Variants in MACC1 observed in about 807,000 individuals in gnomAD.
MACC1 encodes the protein metastasis-associated in colon cancer protein 1.
In MACC1, 79 loss-of-function variants were observed where a neutral mutation model predicts 70.7. The observed-to-expected ratio is 1.12, with a 90% CI of 0.93 to 1.35. The LOEUF is 1.35. Ranked by LOEUF, MACC1 falls within the 40% of genes most tolerant of loss-of-function variation. MACC1 has a pLI of 0.00. For missense variants in MACC1, 1,106 were observed against 978.1 expected, an observed-to-expected ratio of 1.13 and a Z score of -1.74; for synonymous variants, 361 against 347.2, an observed-to-expected ratio of 1.04 and a Z score of -0.44.
intron 1 of MACC1, among the ~76,000 whole-genome samples, chr7:20,196,519 TACATCCAGTC>T (rs1172452590): frequency 2.6e-5 from 4 of 152,070 alleles, no homozygotes; most frequent in Non-Finnish European, 5.9e-5. Flanking sequence ...TGTAATTAGG[TACATCCAGTC>T]ACACTGGAGA....
chr7:20,170,706 A>G lies in MACC1; in HGVS notation c.-153+8T>C, dbSNP rs541998561. Reference sequence around the variant, plus strand: ...AGAAAAACACTCTGACATTTTGTGTATACTCACAGTTTTCCTTGGTTTGAA... The same window carrying G: ...AGAAAAACACTCTGACATTTTGTGTGTACTCACAGTTTTCCTTGGTTTGAA... On this transcript the variant is annotated splice_region_variant and intron_variant, in intron 2 of 6. Coordinates refer to ENST00000400331, the MANE Select transcript of MACC1 (RefSeq NM_182762.4). 7 of 152,358 alleles carry G rather than the reference A, an allele frequency of 4.6e-5. No homozygotes were observed. In the South Asian group the frequency reaches 1.4e-3, roughly 32 times the overall value. 9.4% of individuals were successfully genotyped at this position (152,358 alleles called of 1,614,324 possible).
Position 20,159,671 on chromosome 7 carries a change from TG to T in MACC1, c.689del (p.Ser230Ter). On this transcript the variant is annotated frameshift_variant, in exon 5 of 7. Transcript: ENST00000400331. LOFTEE classifies it high-confidence loss of function. ...HQGGSVQLPESDITVHVPQGH... is the reference protein window; with the variant it reads ...HQGGSVQLPEXDITVHVPQGH... ...CTTGGGGCACATGAACAGTGATGTCTGATTCAGGTAATTGTACTGACCCTCC... is the reference window on the plus strand; with the variant it reads ...CTTGGGGCACATGAACAGTGATGTCTATTCAGGTAATTGTACTGACCCTCC... The T allele has an allele frequency of 1.2e-6, 2 of 1,614,196 alleles. No individual in the cohort carries two copies. Among genetic ancestry groups the T allele is most frequent in the Non-Finnish European group, 1.7e-6 (2 of 1,180,036 alleles).
chr7:20,153,752 C>T (rs12668800), intron 6 of MACC1, among the ~76,000 whole-genome samples: 3 of 152,182 alleles, frequency 2.0e-5, no homozygotes, highest in African/African-American at 7.2e-5. Flanking sequence ...CACTTTCTTA[C>T]TACTTCTTGT....
intron 1 of MACC1, among the ~76,000 whole-genome samples, chr7:20,215,381 T>C (rs1199142454): frequency 6.6e-6 from 1 of 152,164 alleles, no homozygotes; most frequent in Non-Finnish European, 1.5e-5. Flanking sequence ...TCTTTGTCAA[T>C]TGAATGAATG....
chr7:20,155,294 A>C (rs1057217531), intron 5 of MACC1, among the ~76,000 whole-genome samples: 11 of 152,224 alleles, frequency 7.2e-5, no homozygotes, highest in Non-Finnish European at 1.3e-4. Context: ...GGATGCCTGA[A>C]ACTGCAGATA....
In MACC1 at chr7:20,158,517, TTGACA is replaced by T. The variant is rs1433541913; in HGVS notation, c.1839_1843del (p.Asn613LysfsTer14). 6.2e-7 allele frequency: 1 copy of T among 1,614,010 alleles called. No individual in the cohort carries two copies. The highest frequency in any genetic ancestry group is 1.3e-5 in the African/African-American group (1 of 74,944). ...CATTACTTGCTCCTTTGAAATCACCTTGACATTTTTGCAGTGTACAAGTCCAATCT... is the reference window on the plus strand; with the variant it reads ...CATTACTTGCTCCTTTGAAATCACCTTTTTTGCAGTGTACAAGTCCAATCT... On this transcript the variant is annotated frameshift_variant, in exon 5 of 7. Coordinates refer to ENST00000400331, the MANE Select transcript of MACC1 (RefSeq NM_182762.4). LOFTEE classifies it high-confidence loss of function.
chr7:20,145,066 A>T (rs1266196533), intron 6 of MACC1, among the ~76,000 whole-genome samples: 1 of 152,194 alleles, frequency 6.6e-6, no homozygotes, highest in East Asian at 1.9e-4. Flanking sequence ...AACTCCAGTG[A>T]CACCACAATG....
At chr7:20,181,420 G>A (rs1296260974) in intron 1 of MACC1, among the ~76,000 whole-genome samples, 2 of 151,928 alleles carry the variant, frequency 1.3e-5, no homozygotes, top group Non-Finnish European at 2.9e-5. Flanking sequence ...ACTTATAAGT[G>A]TATTACATGA....
In MACC1 at chr7:20,217,117, A is replaced by C. The variant is rs574504288; in HGVS notation, c.-218+182T>G. 3.3e-5 allele frequency among the ~76,000 whole-genome samples: 5 copies of C among 152,204 alleles called. No individual in the cohort carries two copies. The East Asian group carries it at 9.6e-4, about 29-fold the overall frequency. On this transcript the variant is annotated intron_variant, in intron 1 of 6. Coordinates refer to ENST00000400331, the MANE Select transcript of MACC1 (RefSeq NM_182762.4). ...AGGTATTATTCTATTCTATGTCATG[A>C]GGTTTATTCTAACACATGTCCCATA... is the stretch of plus-strand genomic sequence containing the variant.
chr7:20,170,242 A>C (rs1353750591), intron 2 of MACC1: 1 of 152,260 alleles, frequency 6.6e-6, no homozygotes, highest in Non-Finnish European at 1.5e-5. Flanking sequence ...TATTGTCTTC[A>C]AAAAGTGGTT....
At chr7:20,209,347 G>A (rs781339079) in intron 1 of MACC1, among the ~76,000 whole-genome samples, 25 of 152,246 alleles carry the variant, frequency 1.6e-4, no homozygotes, top group Non-Finnish European at 3.2e-4. Flanking sequence ...AAACCACAGG[G>A]CTAGAGCTGC....
At chr7:20,191,834 C>T (rs1164203804) in intron 1 of MACC1, among the ~76,000 whole-genome samples, 1 of 152,258 alleles carries the variant, frequency 6.6e-6, no homozygotes, top group African/African-American at 2.4e-5. Flanking sequence ...GGACAGAAAT[C>T]GACGCTGAAG....
chr7:20,162,043 G>A (rs980426865), intron 3 of MACC1, among the ~76,000 whole-genome samples, 173 bp from the exon 4 acceptor site: 1 of 151,878 alleles, frequency 6.6e-6, no homozygotes, highest in African/African-American at 2.4e-5. Flanking sequence ...ATATGTGTTA[G>A]CACTCCACTA....
chr7:20,172,223 A>AC (rs1782318991), intron 1 of MACC1, among the ~76,000 whole-genome samples: 1 of 152,200 alleles, frequency 6.6e-6, no homozygotes, highest in South Asian at 2.1e-4. Flanking sequence ...GCCCAAATGA[A>AC]CATACGGGTT....
At chr7:20,168,683 A>G (rs1266742252) in intron 2 of MACC1, among the ~76,000 whole-genome samples, 1 of 152,196 alleles carries the variant, frequency 6.6e-6, no homozygotes, top group Non-Finnish European at 1.5e-5. Flanking sequence ...GGTGGAGAAG[A>G]GTGGGCCCAG....
At chr7:20,179,956 C>T (rs935903309) in intron 1 of MACC1, among the ~76,000 whole-genome samples, 1 of 151,922 alleles carries the variant, frequency 6.6e-6, no homozygotes, top group Non-Finnish European at 1.5e-5. Context: ...GCTTTGGGGC[C>T]CAGACATTTT....
At chr7:20,208,286 C>T (rs976131280) in intron 1 of MACC1, among the ~76,000 whole-genome samples, 1 of 152,176 alleles carries the variant, frequency 6.6e-6, no homozygotes, top group South Asian at 2.1e-4. Context: ...AACTGGGTAA[C>T]AGGCAGAGGT....
chr7:20,178,971 T>C lies in MACC1; in HGVS notation c.-217-8193A>G, dbSNP rs1001844279. Among the ~76,000 whole-genome samples, 18 of 152,132 alleles carry C rather than the reference T, an allele frequency of 1.2e-4. No homozygotes were observed. In the East Asian group the frequency reaches 1.7e-3, roughly 15 times the overall value. ...TCCTGAAAAACATTCAACTATTTTC[T>C]CTATCCTACTTTCTCTGGATTTTTT... On this transcript the variant is annotated intron_variant, in intron 1 of 6. Coordinates refer to ENST00000400331, the MANE Select transcript of MACC1 (RefSeq NM_182762.4).
chr7:20,158,709 C>T lies in MACC1; in HGVS notation c.1652G>A (p.Ser551Asn), dbSNP rs1257484313. ...PTFQDKTLNF[S>N]NYGVTLKAVL... ...TGCCTTCAGGGTTACCCCATAGTTG[C>T]TAAAGTTCAATGTTTTATCTTGAAA... Residue 551 changes from serine (S) to asparagine (N), a missense_variant, in exon 5 of 7, where the codon AGC becomes AAC. Coordinates refer to ENST00000400331, the MANE Select transcript of MACC1 (RefSeq NM_182762.4). 6.2e-7 allele frequency: 1 copy of T among 1,613,776 alleles called. No individual in the cohort carries two copies. Among genetic ancestry groups the T allele is most frequent in the African/African-American group, 1.3e-5 (1 of 75,048 alleles).
Sources: allele counts gnomAD v4.1 joint callset (sites outside exome capture counted in the v4.1 genomes callset), GRCh38; gene constraint gnomAD v4.1.1; transcripts MANE v1.5; gene names NCBI Gene and HGNC (gene_info 2026-07-23, HGNC 2026-07-21).